CFAP43: variants seen among roughly 807,000 people sequenced by gnomAD.
The protein encoded by CFAP43 is cilia and flagella associated protein 43, also known as cilia- and flagella-associated protein 43.
A neutral mutation model predicts 218.9 loss-of-function variants in CFAP43; 155 were observed. The observed-to-expected ratio is 0.71, with a 90% CI of 0.62 to 0.81. CFAP43 has a LOEUF of 0.81. Ranked by LOEUF, CFAP43 falls within the 30% of genes least tolerant of loss-of-function variation. The pLI, the probability that CFAP43 is intolerant of heterozygous loss-of-function variation, is 0.00. For missense variants in CFAP43, 1,778 were observed against 1,954.3 expected (o/e 0.91, Z 1.70); for synonymous variants, 645 against 681.3 (o/e 0.95, Z 0.83).
intron 28 of CFAP43, among the ~76,000 whole-genome samples, chr10:104,149,456 T>C (rs77396006): frequency 0.019 from 2,837 of 152,332 alleles, 96 homozygotes; most frequent in African/African-American, 0.066. Context: ...TCAGTTCATA[T>C]AGGAAAGGCA....
At position 104,158,758 on chromosome 10, in the gene CFAP43, TAGA is replaced by T. The variant is rs535685003; in HGVS notation, c.3540+2276_3540+2278del. Among the ~76,000 whole-genome samples the T allele has an allele frequency of 9.1e-4, 138 of 152,262 alleles. 1 individual carries two copies. Among genetic ancestry groups the T allele is most frequent in the African/African-American group, 3.2e-3 (132 of 41,542 alleles). On this transcript the variant is annotated intron_variant, in intron 27 of 37. Coordinates refer to ENST00000357060, the MANE Select transcript of CFAP43 (RefSeq NM_025145.7). ...GTATGATAATTTTACTGTGGTTATG[TAGA>T]AGAATATTTTTGTTCTTAGGAGGTT...
intron 37 of CFAP43, 39 bp downstream of exon 37, chr10:104,131,292 G>GAA: frequency 6.3e-7 from 1 of 1,584,802 alleles, no homozygotes; most frequent in Non-Finnish European, 8.5e-7. Flanking sequence ...TACTTTTAAA[G>GAA]AAACCTACAG....
At position 104,143,479 on chromosome 10, in the gene CFAP43, C is replaced by T; in HGVS notation, c.4105G>A (p.Val1369Ile). 6.2e-7 allele frequency: 1 copy of T among 1,614,122 alleles called. No individual in the cohort carries two copies. The highest frequency in any genetic ancestry group is 8.5e-7 in the Non-Finnish European group (1 of 1,180,024). The change falls in exon 32 of 38, where the codon GTC becomes ATC. Residue 1369 changes from valine to isoleucine, a missense_variant. Around this residue, in one of 3 missense-constraint regions of CFAP43, gnomAD observed 1,553 missense variants for 1,685.2 expected, o/e 0.92. Coordinates refer to ENST00000357060, the MANE Select transcript of CFAP43 (RefSeq NM_025145.7). Reference sequence around the variant, plus strand: ...CTTGTCATGCAGAAATGATTCCAGACCAAAGGGTCCAAGCCTTCTGGCATG... The same window carrying T: ...CTTGTCATGCAGAAATGATTCCAGATCAAAGGGTCCAAGCCTTCTGGCATG... ...SNMPEGLDPL[V>I]WNHFCMTRRA...
intron 3 of CFAP43, among the ~76,000 whole-genome samples, chr10:104,215,994 T>C (rs1483029112): frequency 6.6e-6 from 1 of 152,154 alleles, no homozygotes; most frequent in Non-Finnish European, 1.5e-5. Context: ...CAACTCTCCC[T>C]CTAGCCTGAC....
intron 29 of CFAP43, among the ~76,000 whole-genome samples, chr10:104,146,638 G>A (rs9887982): frequency 6.6e-6 from 1 of 152,060 alleles, no homozygotes; most frequent in Non-Finnish European, 1.5e-5. Flanking sequence ...AAGTGCACAG[G>A]CTTCGGAATC....
At chr10:104,192,337 T>C (rs369696102) in intron 11 of CFAP43, 35 bp from the exon 12 acceptor site, 6 of 1,499,030 alleles carry the variant, frequency 4.0e-6, no homozygotes, top group Non-Finnish European at 5.6e-6. Flanking sequence ...CAAATCCCAA[T>C]TGTTTCACCA....
chr10:104,161,535 A>G (rs773982623), intron 26 of CFAP43, among the ~76,000 whole-genome samples: 1 of 152,246 alleles, frequency 6.6e-6, no homozygotes, highest in Non-Finnish European at 1.5e-5. Context: ...AATAGAGACC[A>G]AAACCACTGT....
chr10:104,199,959 GA>G (rs954126544), intron 8 of CFAP43, among the ~76,000 whole-genome samples: 6 of 152,088 alleles, frequency 3.9e-5, no homozygotes, highest in African/African-American at 1.4e-4. Flanking sequence ...GGGGTCTGAA[GA>G]AAATCCCCAG....
At chr10:104,138,636 T>A (rs1022356642) in intron 34 of CFAP43, among the ~76,000 whole-genome samples, 3 of 150,284 alleles carry the variant, frequency 2.0e-5, no homozygotes, top group African/African-American at 7.4e-5. Context: ...GATAGTGCCA[T>A]TGCACACCAG....
intron 17 of CFAP43, 43 bp from the exon 18 acceptor site, chr10:104,179,975 A>G: frequency 6.5e-7 from 1 of 1,537,860 alleles, no homozygotes; most frequent in Admixed American, 1.7e-5. Flanking sequence ...TAAAGTTAAA[A>G]TTCATCAAGT....
In CFAP43 at chr10:104,130,019, A is replaced by T. The variant is rs567358964; in HGVS notation, c.*120T>A. The stretch of plus-strand genomic sequence containing the variant: ...AATTAAACAATTTTTTATCTAAAAC[A>T]TGCAACTCAGAGGACATGCTACTTC... On this transcript the variant is annotated 3_prime_UTR_variant, in exon 38 of 38. Transcript: ENST00000357060. 67 of 1,209,870 alleles carry T rather than the reference A, an allele frequency of 5.5e-5. No homozygotes were observed. In the East Asian group the frequency reaches 1.6e-3, roughly 29 times the overall value. 74.9% of individuals were successfully genotyped at this position (1,209,870 alleles called of 1,614,324 possible).
chr10:104,165,741 C>T (rs1438105108), intron 23 of CFAP43, among the ~76,000 whole-genome samples: 1 of 152,166 alleles, frequency 6.6e-6, no homozygotes. Flanking sequence ...AACACCTTGT[C>T]CTCGAACCCC....
At chr10:104,200,933 A>G (rs2090519117) in intron 8 of CFAP43, among the ~76,000 whole-genome samples, 1 of 152,110 alleles carries the variant, frequency 6.6e-6, no homozygotes, top group African/African-American at 2.4e-5. Context: ...CATAGTAAGG[A>G]TTTTGGCTTT....
intron 4 of CFAP43, among the ~76,000 whole-genome samples, chr10:104,213,927 T>C (rs527384825): frequency 9.8e-5 from 15 of 152,316 alleles, no homozygotes; most frequent in African/African-American, 3.6e-4. Context: ...CTCCTTTTTA[T>C]ACAACAGGCA....
chr10:104,160,390 T>TA (rs769430884), intron 27 of CFAP43, among the ~76,000 whole-genome samples: 10 of 152,240 alleles, frequency 6.6e-5, no homozygotes, highest in Non-Finnish European at 1.2e-4. Flanking sequence ...ATACAGCCAC[T>TA]AGCAAGCTGG....
chr10:104,222,250 T>C (rs958495967), intron 3 of CFAP43, among the ~76,000 whole-genome samples: 4 of 152,124 alleles, frequency 2.6e-5, no homozygotes, highest in Non-Finnish European at 4.4e-5. Context: ...ACCAAGTGAG[T>C]TGCATCCTCC....
At chr10:104,181,538 A>G (rs2089844472) in intron 17 of CFAP43, among the ~76,000 whole-genome samples, 2 of 152,196 alleles carry the variant, frequency 1.3e-5, no homozygotes, top group African/African-American at 4.8e-5. Flanking sequence ...GTAAAATAAA[A>G]TTCAAACTCT....
At chr10:104,140,461 G>A (rs980877801) in intron 34 of CFAP43, among the ~76,000 whole-genome samples, 1 of 152,170 alleles carries the variant, frequency 6.6e-6, no homozygotes, top group Non-Finnish European at 1.5e-5. Flanking sequence ...ATGAAAATGG[G>A]AGAATAATGT....
Position 104,207,745 on chromosome 10 carries a change from T to C in CFAP43, c.815A>G (p.Glu272Gly). 6.2e-7 allele frequency: 1 copy of C among 1,614,166 alleles called. No individual in the cohort carries two copies. Among genetic ancestry groups the C allele is most frequent in the Non-Finnish European group, 8.5e-7 (1 of 1,180,018 alleles). Reference sequence around the variant, plus strand: ...ATTAATCATTAAAAGATGACCCTCTTCACAGCCAATGTACAAGTCACTTGT... The same window carrying C: ...ATTAATCATTAAAAGATGACCCTCTCCACAGCCAATGTACAAGTCACTTGT... ...TPTSDLYIGC[E>G]EGHLLMINGD... The change falls in exon 6 of 38, where the codon GAA becomes GGA. Residue 272 changes from glutamate to glycine, a missense_variant. Around this residue, in one of 3 missense-constraint regions of CFAP43, gnomAD observed 1,553 missense variants for 1,685.2 expected, o/e 0.92. Coordinates refer to ENST00000357060, the MANE Select transcript of CFAP43 (RefSeq NM_025145.7).
Sources: allele counts gnomAD v4.1 joint callset (sites outside exome capture counted in the v4.1 genomes callset), GRCh38; gene constraint gnomAD v4.1.1; regional missense constraint gnomAD v4.1.1; transcripts MANE v1.5; gene names NCBI Gene and HGNC (gene_info 2026-07-23, HGNC 2026-07-21).